Variants in AOPEP observed in about 807,000 individuals in gnomAD.
The protein encoded by AOPEP is aminopeptidase O (putative), also known as aminopeptidase O.
In AOPEP, 77 loss-of-function variants were observed where a neutral mutation model predicts 98.1. The observed-to-expected ratio is 0.78, with a 90% CI of 0.65 to 0.95. The LOEUF is 0.95. AOPEP is among the 40% of genes least tolerant of loss of function. AOPEP has a pLI of 0.00. For missense variants in AOPEP, 1,024 were observed against 1,024.7 expected, an observed-to-expected ratio of 1.00 and a Z score of 0.01; for synonymous variants, 346 against 365.3, an observed-to-expected ratio of 0.95 and a Z score of 0.60.
chr9:94,775,846 C>T (rs1394539456), intron 3 of AOPEP, among the ~76,000 whole-genome samples: 4 of 151,928 alleles, frequency 2.6e-5, no homozygotes, highest in African/African-American at 7.2e-5. Flanking sequence ...ATTAGTCAGG[C>T]GTGGTGGCGG....
At chr9:95,035,059 T>G (rs1452823383) in intron 13 of AOPEP, among the ~76,000 whole-genome samples, 1 of 151,994 alleles carries the variant, frequency 6.6e-6, no homozygotes, top group Non-Finnish European at 1.5e-5. Context: ...CATGTTGGTT[T>G]GCTGCACCCA....
At chr9:94,863,045 T>C (rs111494167) in intron 5 of AOPEP, among the ~76,000 whole-genome samples, 11 of 152,286 alleles carry the variant, frequency 7.2e-5, no homozygotes, top group African/African-American at 2.6e-4. Flanking sequence ...TTTAATTTGG[T>C]TGTGCGTGAC....
chr9:95,114,730 C>G, the AOPEP span: 1 of 1,606,572 alleles, frequency 6.2e-7, no homozygotes, highest in Non-Finnish European at 8.5e-7. Context: ...GAGAGAGATA[C>G]GTCAGAGGGC....
At chr9:94,992,349 T>C (rs2060944763) in intron 11 of AOPEP, among the ~76,000 whole-genome samples, 1 of 152,248 alleles carries the variant, frequency 6.6e-6, no homozygotes, top group South Asian at 2.1e-4. Flanking sequence ...GTCCTCCAGC[T>C]TGGGCCTTTA....
At chr9:95,093,169 G>A in the AOPEP span, among the ~76,000 whole-genome samples, 7 of 152,202 alleles carry the variant, frequency 4.6e-5, no homozygotes. Context: ...GGAAGTGACT[G>A]CAGAAACTTG....
intron 5 of AOPEP, among the ~76,000 whole-genome samples, chr9:94,816,141 C>G (rs912313134): frequency 1.3e-5 from 2 of 152,092 alleles, no homozygotes; most frequent in African/African-American, 4.8e-5. Flanking sequence ...ATTTTTTATT[C>G]TCTCCACTAA....
rs577904221 is a variant in AOPEP, at chr9:94,730,532, C to T, written c.-136+3781C>T. ...AAAAGTGATGTTTTTTATTTCTTGACTCATAAAGCGTGTAACTTACATGCT... is the reference window on the plus strand; with the variant it reads ...AAAAGTGATGTTTTTTATTTCTTGATTCATAAAGCGTGTAACTTACATGCT... On this transcript the variant is annotated intron_variant, in intron 1 of 16. Coordinates refer to ENST00000375315, the MANE Select transcript of AOPEP (RefSeq NM_001193329.3). Among the ~76,000 whole-genome samples the T allele has an allele frequency of 1.1e-3, 175 of 152,184 alleles. 1 individual carries two copies. Among genetic ancestry groups the T allele is most frequent in the African/African-American group, 3.9e-3 (160 of 41,528 alleles).
intron 1 of AOPEP, among the ~76,000 whole-genome samples, chr9:94,731,237 T>G (rs1830448310): frequency 6.6e-6 from 1 of 152,182 alleles, no homozygotes. Context: ...ACTTGTTTTT[T>G]TTTTTTTTGA....
intron 13 of AOPEP, among the ~76,000 whole-genome samples, chr9:95,013,316 A>T (rs1359410495): frequency 1.3e-5 from 2 of 149,766 alleles, no homozygotes; most frequent in Non-Finnish European, 3.0e-5. Context: ...GCTCTTGTGT[A>T]TTGATTCCCG....
chr9:94,937,092 C>T (rs1169987531), intron 7 of AOPEP, among the ~76,000 whole-genome samples: 1 of 152,218 alleles, frequency 6.6e-6, no homozygotes, highest in Non-Finnish European at 1.5e-5. Flanking sequence ...TTGACCTTTA[C>T]CCCCGTCCCC....
At chr9:94,939,411 A>G (rs1588995444) in intron 7 of AOPEP, among the ~76,000 whole-genome samples, 1 of 152,198 alleles carries the variant, frequency 6.6e-6, no homozygotes, top group Non-Finnish European at 1.5e-5. Context: ...CTCCTTGGCC[A>G]AGGTCTGGTT....
chr9:94,836,514 C>A (rs982527581), intron 5 of AOPEP, among the ~76,000 whole-genome samples: 1 of 152,064 alleles, frequency 6.6e-6, no homozygotes, highest in Admixed American at 6.6e-5. Context: ...GGCATCATAT[C>A]TGTTCAGGTC....
chr9:95,110,666 G>A, the AOPEP span: 3 of 1,049,920 alleles, frequency 2.9e-6, no homozygotes, highest in African/African-American at 3.3e-5. Context: ...TCAAACAACA[G>A]AAAATGCCAA....
At chr9:94,932,659 T>G (rs1002408988) in intron 7 of AOPEP, 3 of 260,268 alleles carry the variant, frequency 1.2e-5, no homozygotes, top group Non-Finnish European at 1.8e-5. Flanking sequence ...AATTTTTGTA[T>G]TTTTAGTAGA....
chr9:94,930,612 C>T lies in AOPEP; in HGVS notation c.1661+2081C>T, dbSNP rs925250817. On this transcript the variant is annotated intron_variant, in intron 7 of 16. Coordinates refer to ENST00000375315, the MANE Select transcript of AOPEP (RefSeq NM_001193329.3). The surrounding 1 kb of genome is among the most constrained non-coding windows in gnomAD (Gnocchi z 4.5). ...ACTCTGGGGAAACCATTATGTGTTT[C>T]CCCAGAGAAAACCAGGGCACTAGGG... Among the ~76,000 whole-genome samples, 4 of 151,780 alleles carry T rather than the reference C, an allele frequency of 2.6e-5. No homozygotes were observed. The highest frequency in any genetic ancestry group is 4.4e-5 in the Non-Finnish European group (3 of 67,978).
chr9:94,885,728 C>T (rs1353474449), intron 5 of AOPEP, among the ~76,000 whole-genome samples: 1 of 152,116 alleles, frequency 6.6e-6, no homozygotes, highest in Admixed American at 6.5e-5. Flanking sequence ...TTAAGAACCA[C>T]TGGAATAGAC....
intron 5 of AOPEP, among the ~76,000 whole-genome samples, chr9:94,831,674 TC>T (rs1855988484): frequency 6.6e-6 from 1 of 152,132 alleles, no homozygotes; most frequent in South Asian, 2.1e-4. Flanking sequence ...TATTGATTCT[TC>T]CTATCCATGA....
chr9:94,976,213 A>G (rs1464001119), intron 10 of AOPEP, among the ~76,000 whole-genome samples: 2 of 152,164 alleles, frequency 1.3e-5, no homozygotes, highest in African/African-American at 2.4e-5. Context: ...ACCTTTGCCC[A>G]GCAGCCATCC....
At chr9:94,759,625 A>T in intron 1 of AOPEP, 24 bp from the exon 2 acceptor site, 1 of 621,638 alleles carries the variant, frequency 1.6e-6, no homozygotes, top group Non-Finnish European at 2.7e-6. Flanking sequence ...AATTTTATCT[A>T]ATTGTGCTTT....
Sources: gnomAD v4.1 joint callset for allele counts (sites outside exome capture counted in the v4.1 genomes callset) on GRCh38, gnomAD v4.1.1 for gene constraint, Gnocchi (gnomAD v3.1) non-coding constraint, MANE v1.5 for transcripts, NCBI Gene and HGNC (gene_info 2026-07-23, HGNC 2026-07-21) for gene names.